EYA4: variants seen among roughly 807,000 people sequenced by gnomAD.
EYA4 encodes the protein EYA transcriptional coactivator and phosphatase 4.
In EYA4, 31 loss-of-function variants were observed where a neutral mutation model predicts 87.9. The ratio of observed to expected loss-of-function variants is 0.35; its 90% CI spans 0.27 to 0.48. EYA4 has a LOEUF of 0.48. Ranked by LOEUF, EYA4 falls within the 20% of genes least tolerant of loss-of-function variation. EYA4 has a pLI of 0.99. For synonymous variants in EYA4, 263 were observed against 270.6 expected, an observed-to-expected ratio of 0.97 and a Z score of 0.28; for missense variants, 678 against 761.4, an observed-to-expected ratio of 0.89 and a Z score of 1.29.
At chr6:133,473,512 A>G (rs900592368) in intron 11 of EYA4, among the ~76,000 whole-genome samples, 6 of 152,100 alleles carry the variant, frequency 3.9e-5, no homozygotes, top group Non-Finnish European at 4.4e-5. Context: ...ATATGTTTAT[A>G]TCATGAATTG....
intron 2 of EYA4, among the ~76,000 whole-genome samples, chr6:133,317,864 G>A (rs1780747665): frequency 6.7e-6 from 1 of 148,788 alleles, no homozygotes; most frequent in Admixed American, 6.8e-5. Context: ...CCCGCATCCA[G>A]GCATCCACAG....
rs759852514 is a variant in EYA4 at position 133,274,757 on chromosome 6, T to C, written c.-24T>C. ...GAAGGAAGCTGCTTCTACTTGGGAG[T>C]GGCAGGAGAAGTGAGAAAACCACAT... On this transcript the variant is annotated 5_prime_UTR_variant, in exon 2 of 20. Coordinates refer to ENST00000355286, the MANE Select transcript of EYA4 (RefSeq NM_004100.5). The C allele has an allele frequency of 6.2e-7, 1 of 1,608,630 alleles. No homozygotes were observed. Among genetic ancestry groups the C allele is most frequent in the Non-Finnish European group, 8.5e-7 (1 of 1,175,240 alleles).
intron 1 of EYA4, among the ~76,000 whole-genome samples, chr6:133,249,095 A>G (rs1774671861): frequency 6.6e-6 from 1 of 152,190 alleles, no homozygotes; most frequent in Admixed American, 6.5e-5. Context: ...GTTGCTGAAG[A>G]CTTGCAAAAT....
intron 13 of EYA4, among the ~76,000 whole-genome samples, chr6:133,502,935 T>G (rs773636323): frequency 5.9e-5 from 9 of 152,188 alleles, no homozygotes; most frequent in Non-Finnish European, 1.0e-4. Flanking sequence ...CTTTCCCAGT[T>G]ACAAATGATA....
chr6:133,315,452 G>A (rs1272743644), intron 2 of EYA4, among the ~76,000 whole-genome samples: 1 of 151,994 alleles, frequency 6.6e-6, no homozygotes, highest in Non-Finnish European at 1.5e-5. Flanking sequence ...CAATTTTGTG[G>A]GACATTATTA....
intron 13 of EYA4, among the ~76,000 whole-genome samples, chr6:133,485,713 A>G (rs1475284750): frequency 6.6e-6 from 1 of 152,208 alleles, no homozygotes; most frequent in African/African-American, 2.4e-5. Flanking sequence ...TCTCTCAGAC[A>G]CTTGGAATGT....
At chr6:133,428,677 T>G (rs899395339) in intron 3 of EYA4, among the ~76,000 whole-genome samples, 3 of 152,132 alleles carry the variant, frequency 2.0e-5, no homozygotes, top group African/African-American at 7.2e-5. Context: ...GGGGATAGAA[T>G]GACTGGTAAT....
chr6:133,463,962 AT>A (rs112371864), intron 9 of EYA4, among the ~76,000 whole-genome samples: 3,476 of 145,730 alleles, frequency 0.024, 97 homozygotes, highest in African/African-American at 0.074. Flanking sequence ...GACAGACAGT[AT>A]TTTTTTTTTT....
intron 4 of EYA4, 79 bp from the exon 5 acceptor site, chr6:133,448,032 C>A: frequency 9.0e-7 from 1 of 1,112,816 alleles, no homozygotes; most frequent in Non-Finnish European, 1.4e-6. Context: ...GGTCAGAAAC[C>A]AGTGCAAGCA....
chr6:133,480,870 G>A (rs1796150053), intron 11 of EYA4, among the ~76,000 whole-genome samples: 1 of 152,026 alleles, frequency 6.6e-6, no homozygotes, highest in Admixed American at 6.6e-5. Flanking sequence ...GAAGCAAATA[G>A]TATCTAGATG....
chr6:133,305,987 T>TTGTGTG (rs5880173), intron 2 of EYA4, among the ~76,000 whole-genome samples: 5 of 151,406 alleles, frequency 3.3e-5, no homozygotes, highest in East Asian at 1.9e-4. Context: ...ATAGATGTCA[T>TTGTGTG]TGTGTGTGTG....
At chr6:133,408,935 A>G (rs1385628846) in intron 3 of EYA4, among the ~76,000 whole-genome samples, 1 of 152,172 alleles carries the variant, frequency 6.6e-6, no homozygotes, top group African/African-American at 2.4e-5. Flanking sequence ...TCCTTTTTAC[A>G]TAGTGAAAAA....
intron 2 of EYA4, among the ~76,000 whole-genome samples, chr6:133,376,108 C>T (rs564021065): frequency 2.3e-4 from 35 of 151,736 alleles, no homozygotes; most frequent in Non-Finnish European, 4.6e-4. Context: ...AATTCTGTAT[C>T]GTTTTCTATG....
At chr6:133,255,993 G>C (rs1223013789) in intron 1 of EYA4, among the ~76,000 whole-genome samples, 1 of 151,810 alleles carries the variant, frequency 6.6e-6, no homozygotes, top group Non-Finnish European at 1.5e-5. Flanking sequence ...TTTTTAAAAA[G>C]ATTTATGAAT....
At chr6:133,384,965 T>C (rs1786570080) in intron 3 of EYA4, among the ~76,000 whole-genome samples, 1 of 152,020 alleles carries the variant, frequency 6.6e-6, no homozygotes, top group East Asian at 1.9e-4. Context: ...AGCAGCATTA[T>C]TTTAATACAT....
intron 14 of EYA4, among the ~76,000 whole-genome samples, chr6:133,511,943 T>C (rs1042147768): frequency 1.3e-5 from 2 of 151,270 alleles, no homozygotes; most frequent in African/African-American, 4.9e-5. Context: ...ATCGCGCCAC[T>C]GCACTCCAAC....
chr6:133,282,493 CATTA>C (rs776951657), intron 2 of EYA4, among the ~76,000 whole-genome samples: 2 of 152,160 alleles, frequency 1.3e-5, no homozygotes, highest in East Asian at 3.9e-4. Context: ...CACAAGATTT[CATTA>C]ATTATTATCT....
intron 3 of EYA4, among the ~76,000 whole-genome samples, chr6:133,389,256 A>G (rs1434653421): frequency 1.3e-5 from 2 of 152,188 alleles, no homozygotes; most frequent in African/African-American, 2.4e-5. Flanking sequence ...CAGACCTTTA[A>G]GTGGAGTGGC....
chr6:133,508,156 T>C (rs557868448), intron 14 of EYA4, among the ~76,000 whole-genome samples: 5 of 152,302 alleles, frequency 3.3e-5, no homozygotes, highest in African/African-American at 1.2e-4. Context: ...TTTTTCTCTA[T>C]GGTGAGTCAT....
Sources: gnomAD v4.1 joint callset for allele counts (sites outside exome capture counted in the v4.1 genomes callset) on GRCh38, gnomAD v4.1.1 for gene constraint, MANE v1.5 for transcripts, NCBI Gene and HGNC (gene_info 2026-07-23, HGNC 2026-07-21) for gene names.